TRDMT1: variants seen among roughly 807,000 people sequenced by gnomAD.
TRDMT1 encodes the protein tRNA aspartic acid methyltransferase 1, also known as tRNA (cytosine(38)-C(5))-methyltransferase.
Under a neutral mutation model 51.2 loss-of-function variants are expected in TRDMT1, and 49 were observed. The observed-to-expected ratio is 0.96, with a 90% CI of 0.76 to 1.21. The LOEUF is 1.21. TRDMT1 is among the 50% of genes most tolerant of loss of function. TRDMT1 has a pLI of 0.00. For synonymous variants in TRDMT1, 187 were observed against 164.6 expected, an observed-to-expected ratio of 1.14 and a Z score of -1.04; for missense variants, 534 against 462.3, an observed-to-expected ratio of 1.16 and a Z score of -1.42.
chr10:17,145,851 G>C lies in TRDMT1; in HGVS notation c.*3189C>G. 11 of 985,428 alleles carry C rather than the reference G, an allele frequency of 1.1e-5. No homozygotes were observed. The highest frequency in any genetic ancestry group is 1.3e-5 in the Non-Finnish European group (11 of 829,924). 61.0% of individuals were successfully genotyped at this position (985,428 alleles called of 1,614,324 possible). A position where few individuals can be genotyped will look rare whatever the true frequency, so the allele number is the denominator to read the frequency against. On this transcript the variant is annotated 3_prime_UTR_variant, in exon 11 of 11. Coordinates refer to ENST00000377799, the MANE Select transcript of TRDMT1 (RefSeq NM_004412.7). Reference sequence around the variant, plus strand: ...GCTTGATATTAGATGAAATGTGGTTGCTTCTTTGTTCTGTTCTGCTATGGC... The same window carrying C: ...GCTTGATATTAGATGAAATGTGGTTCCTTCTTTGTTCTGTTCTGCTATGGC...
At chr10:17,162,140 G>A (rs33993216) in intron 4 of TRDMT1, 26 bp downstream of exon 4, 460,901 of 1,574,790 alleles carry the variant, frequency 0.29, 69,192 homozygotes, top group Non-Finnish European at 0.31. Flanking sequence ...TGAAAGGTAA[G>A]CTTGTACAGG....
At position 17,162,262 on chromosome 10, in the gene TRDMT1, AC is replaced by A. The variant is rs375324661; in HGVS notation, c.252-26del. On this transcript the variant is annotated intron_variant, in intron 3 of 10. Coordinates refer to ENST00000377799, the MANE Select transcript of TRDMT1 (RefSeq NM_004412.7). ...CCTAAAGGGGTAAAAAAAAAAAAAA[AC>A]AAAAAAAAACACAGAAAGTTTATTA... The A allele has an allele frequency of 3.6e-3, 4,063 of 1,139,712 alleles. 87 individuals carry two copies. In the African/African-American group the frequency reaches 0.053, roughly 15 times the overall value. 70.6% of individuals were successfully genotyped at this position (1,139,712 alleles called of 1,614,324 possible).
intron 2 of TRDMT1, among the ~76,000 whole-genome samples, chr10:17,172,473 C>T (rs142384319): frequency 6.6e-6 from 1 of 151,716 alleles, no homozygotes; most frequent in African/African-American, 2.4e-5. Flanking sequence ...GCCTGGGCAA[C>T]ATAGTGAGAC....
intron 1 of TRDMT1, among the ~76,000 whole-genome samples, chr10:17,185,138 G>A (rs1478888309): frequency 6.6e-6 from 1 of 152,110 alleles, no homozygotes; most frequent in African/African-American, 2.4e-5. Flanking sequence ...CATCTTTGGG[G>A]ATTACTATTT....
chr10:17,151,202 C>T (rs530413450), intron 10 of TRDMT1: 1 of 861,022 alleles, frequency 1.2e-6, no homozygotes, highest in African/African-American at 1.8e-5. Flanking sequence ...TTCTACCAAT[C>T]TAACAATTTG....
chr10:17,148,955 C>A lies in TRDMT1; in HGVS notation c.*85G>T. On this transcript the variant is annotated 3_prime_UTR_variant, in exon 11 of 11. Coordinates refer to ENST00000377799, the MANE Select transcript of TRDMT1 (RefSeq NM_004412.7). ...TTAAAATAATTTAGTTAAATTTCACCAGAATTAGTTCAAAACAGAATTTCA... is the reference window on the plus strand; with the variant it reads ...TTAAAATAATTTAGTTAAATTTCACAAGAATTAGTTCAAAACAGAATTTCA... 4 of 1,400,106 alleles carry A rather than the reference C, an allele frequency of 2.9e-6. No homozygotes were observed. The highest frequency in any genetic ancestry group is 3.0e-5 in the Admixed American group (1 of 33,128). The allele number at this position is 1,400,106 out of a possible 1,614,324, so 86.7% of individuals were successfully genotyped here.
At chr10:17,156,613 T>C (rs148262320) in intron 8 of TRDMT1, among the ~76,000 whole-genome samples, 2,547 of 152,236 alleles carry the variant, frequency 0.017, 23 homozygotes, top group Non-Finnish European at 0.024. Context: ...AATGTTCAAG[T>C]AATAACCCAA....
chr10:17,171,855 C>G (rs564214267), intron 2 of TRDMT1: 4 of 155,286 alleles, frequency 2.6e-5, no homozygotes, highest in African/African-American at 9.6e-5. Context: ...TCATCTGTTC[C>G]AGAAGGGCTC....
chr10:17,197,429 CTG>C (rs1414531870), intron 1 of TRDMT1, among the ~76,000 whole-genome samples: 5 of 152,082 alleles, frequency 3.3e-5, no homozygotes, highest in African/African-American at 9.7e-5. Context: ...TATGTAGTGA[CTG>C]TAAAAATGCA....
chr10:17,192,706 T>C (rs7076638), intron 1 of TRDMT1, among the ~76,000 whole-genome samples: 20,857 of 152,164 alleles, frequency 0.14, 1,524 homozygotes, highest in Admixed American at 0.17. Context: ...CAAAACCTGA[T>C]ACATTTCACG....
Position 17,154,749 on chromosome 10 carries a change from C to A in TRDMT1, c.888-15G>T. On this transcript the variant is annotated splice_polypyrimidine_tract_variant and intron_variant, in intron 8 of 10. Coordinates refer to ENST00000377799, the MANE Select transcript of TRDMT1 (RefSeq NM_004412.7). The stretch of plus-strand genomic sequence containing the variant: ...AGCTTCCATATCTGAAAAATCAACA[C>A]AACAATTATGCAGCACCTGATGTAT... 9 of 1,597,756 alleles carry A rather than the reference C, an allele frequency of 5.6e-6. No individual in the cohort carries two copies. The highest frequency in any genetic ancestry group is 7.7e-6 in the Non-Finnish European group (9 of 1,173,030).
At position 17,140,329 on chromosome 10, in the gene TRDMT1, C is replaced by T. The variant is rs1288692974; in HGVS notation, c.*8711G>A. ...TCGACCTCCCAAAGTGCTGGGATTA[C>T]AGGTGTGAGGCACCATGCCCAGCAC... is the stretch of plus-strand genomic sequence containing the variant. On this transcript the variant is annotated 3_prime_UTR_variant, in exon 11 of 11. Transcript: ENST00000377799. Among the ~76,000 whole-genome samples the T allele has an allele frequency of 6.6e-6, 1 of 151,500 alleles. No individual in the cohort carries two copies. The highest frequency in any genetic ancestry group is 2.4e-5 in the African/African-American group (1 of 41,168).
chr10:17,172,944 T>C (rs1488552081), intron 2 of TRDMT1, among the ~76,000 whole-genome samples: 3 of 152,136 alleles, frequency 2.0e-5, no homozygotes, highest in Non-Finnish European at 2.9e-5. Context: ...ATGCATCTTG[T>C]AAACCCTAGA....
Position 17,160,333 on chromosome 10 carries a change from T to A in TRDMT1, c.431A>T (p.Tyr144Phe), listed in dbSNP as rs1407375954. 6.4e-7 allele frequency: 1 copy of A among 1,571,994 alleles called. No homozygotes were observed. The highest frequency in any genetic ancestry group is 8.6e-7 in the Non-Finnish European group (1 of 1,160,438). Residue 144 changes from tyrosine to phenylalanine, a missense_variant, in exon 6 of 11, where the codon TAC becomes TTC. Tyr to Phe is a conservative substitution (Grantham distance 22, BLOSUM62 3). Coordinates refer to ENST00000377799, the MANE Select transcript of TRDMT1 (RefSeq NM_004412.7). The part of the protein sequence containing the change: ...IQTIENCGFQ[Y>F]QEFLLSPTSL... ...GGTTGGAGATAATAGAAACTCTTGG[T>A]ACTGAAAGCCACAATTTTCTATTGT...
chr10:17,163,837 T>C (rs535900736), intron 3 of TRDMT1, among the ~76,000 whole-genome samples: 1 of 152,268 alleles, frequency 6.6e-6, no homozygotes, highest in South Asian at 2.1e-4. Context: ...AATCTCTGAA[T>C]AGACCAACAA....
intron 2 of TRDMT1, chr10:17,169,472 T>C: frequency 1.6e-6 from 2 of 1,289,752 alleles, no homozygotes; most frequent in Non-Finnish European, 2.0e-6. Flanking sequence ...AAATGACTGT[T>C]GACAAGATGC....
In TRDMT1 at chr10:17,159,236, G is replaced by T. The variant is rs747777070; in HGVS notation, c.460-7C>A. ...TTGAATTTGGAATGCCAAGCTGTAAGCAAAGCAAAGCAGTTAGTTACTCTA... is the reference window on the plus strand; with the variant it reads ...TTGAATTTGGAATGCCAAGCTGTAATCAAAGCAAAGCAGTTAGTTACTCTA... On this transcript the variant is annotated splice_region_variant and splice_polypyrimidine_tract_variant and intron_variant, in intron 6 of 10. Coordinates refer to ENST00000377799, the MANE Select transcript of TRDMT1 (RefSeq NM_004412.7). The T allele has an allele frequency of 2.5e-6, 4 of 1,584,454 alleles. No individual in the cohort carries two copies. The South Asian group carries it at 4.6e-5, about 18-fold the overall frequency.
At chr10:17,199,340 A>G (rs1050181456) in intron 1 of TRDMT1, among the ~76,000 whole-genome samples, 2 of 152,192 alleles carry the variant, frequency 1.3e-5, no homozygotes, top group African/African-American at 4.8e-5. Flanking sequence ...AGGGAAGGCC[A>G]ATATATGAAC....
chr10:17,201,629 C>A lies in TRDMT1; in HGVS notation c.6G>T (p.Glu2Asp), dbSNP rs1012560149. 3 of 1,544,282 alleles carry A rather than the reference C, an allele frequency of 1.9e-6. No homozygotes were observed. Among genetic ancestry groups the A allele is most frequent in the Admixed American group, 2.0e-5 (1 of 50,646 alleles). The change falls in exon 1 of 11, where the codon GAG becomes GAT. Residue 2 changes from glutamate to aspartate, a missense_variant. Transcript: ENST00000377799. M[E>D]PLRVLELYSG... ...TGTATAGCTCCAGCACCCGCAGGGG[C>A]TCCATCCCCGCGCCTCAGCCGCCGC...
Sources: gnomAD v4.1 joint callset for allele counts (sites outside exome capture counted in the v4.1 genomes callset) on GRCh38, gnomAD v4.1.1 for gene constraint, MANE v1.5 for transcripts, NCBI Gene and HGNC (gene_info 2026-07-23, HGNC 2026-07-21) for gene names.